The following TECPR2 variants were observed in gnomAD, a reference collection of about 807,000 sequenced individuals.
TECPR2 encodes the protein tectonin beta-propeller repeat containing 2.
A neutral mutation model predicts 138.1 loss-of-function variants in TECPR2; 65 were observed. The ratio of observed to expected loss-of-function variants is 0.47; its 90% CI spans 0.39 to 0.58. The LOEUF (loss-of-function observed/expected upper bound fraction) is 0.58. Among genes scored for constraint, TECPR2 ranks in the 20% least tolerant of loss-of-function variants. The pLI, the probability that TECPR2 is intolerant of heterozygous loss-of-function variation, is 0.00. For synonymous variants in TECPR2, 746 were observed against 749.8 expected, an observed-to-expected ratio of 0.99 and a Z score of 0.08; for missense variants, 1,553 against 1,824.5, an observed-to-expected ratio of 0.85 and a Z score of 2.71.
At chr14:102,418,485 A>G (rs1248269230) in intron 5 of TECPR2, among the ~76,000 whole-genome samples, 1 of 152,222 alleles carries the variant, frequency 6.6e-6, no homozygotes, top group East Asian at 1.9e-4. Context: ...CAAAGAGGCA[A>G]CTAGTGCGAG....
chr14:102,432,476 T>C (rs752176894), intron 8 of TECPR2, among the ~76,000 whole-genome samples: 2 of 152,064 alleles, frequency 1.3e-5, no homozygotes, highest in South Asian at 4.1e-4. Flanking sequence ...TGGAGTGCAA[T>C]GGCACGATCT....
At chr14:102,422,030 G>A (rs1308768678) in intron 5 of TECPR2, among the ~76,000 whole-genome samples, 1 of 152,150 alleles carries the variant, frequency 6.6e-6, no homozygotes, top group Admixed American at 6.5e-5. Context: ...GCCAGTGGGA[G>A]TGTAGATTGT....
intron 12 of TECPR2, 125 bp from the exon 13 acceptor site, chr14:102,445,681 C>T (rs1595130407): frequency 8.0e-7 from 1 of 1,257,572 alleles, no homozygotes; most frequent in East Asian, 2.4e-5. Flanking sequence ...ACCTGCTGAT[C>T]CGCTCCAGGG....
In TECPR2 at chr14:102,492,728, G is replaced by T. The variant is rs142238075; in HGVS notation, c.3790-4251G>T. ...AGCGTGAGTGGGGTTGTGAAGGGTGGGCAGCAGCGTGCCAGGTGAGCAACG... is the reference window on the plus strand; with the variant it reads ...AGCGTGAGTGGGGTTGTGAAGGGTGTGCAGCAGCGTGCCAGGTGAGCAACG... On this transcript the variant is annotated intron_variant, in intron 17 of 19. Transcript: ENST00000359520. Among the ~76,000 whole-genome samples the T allele has an allele frequency of 1.5e-3, 230 of 152,288 alleles. 1 individual carries two copies. The highest frequency in any genetic ancestry group is 5.0e-3 in the African/African-American group (209 of 41,548).
At chr14:102,395,758 G>A (rs762250266) in intron 2 of TECPR2, among the ~76,000 whole-genome samples, 2 of 152,118 alleles carry the variant, frequency 1.3e-5, no homozygotes, top group East Asian at 1.9e-4. Flanking sequence ...AGATCACACC[G>A]TGGCACTCCG....
chr14:102,448,476 C>G (rs1239938342), intron 13 of TECPR2, among the ~76,000 whole-genome samples: 1 of 152,148 alleles, frequency 6.6e-6, no homozygotes. Context: ...GCAAGCTACC[C>G]TTCTGAGCTA....
chr14:102,457,070 G>C (rs2139761501), intron 16 of TECPR2, among the ~76,000 whole-genome samples: 1 of 152,022 alleles, frequency 6.6e-6, no homozygotes, highest in South Asian at 2.1e-4. Flanking sequence ...AGGAAAAGCA[G>C]GTAGGTCAAG....
intron 2 of TECPR2, among the ~76,000 whole-genome samples, chr14:102,387,919 A>G (rs1020328371): frequency 6.6e-6 from 1 of 152,200 alleles, no homozygotes; most frequent in African/African-American, 2.4e-5. Flanking sequence ...AACACACCAT[A>G]CTGACATGTC....
chr14:102,377,674 C>T (rs1887676431), intron 2 of TECPR2, among the ~76,000 whole-genome samples: 1 of 152,144 alleles, frequency 6.6e-6, no homozygotes, highest in East Asian at 1.9e-4. Flanking sequence ...CCACTGCACT[C>T]CAGCCTGGGT....
chr14:102,498,449 G>A lies in TECPR2; in HGVS notation c.*192G>A. 1.3e-6 allele frequency: 1 copy of A among 755,626 alleles called. No individual in the cohort carries two copies. Among genetic ancestry groups the A allele is most frequent in the Non-Finnish European group, 2.1e-6 (1 of 480,638 alleles). The allele number at this position is 755,626 out of a possible 1,614,324, so 46.8% of individuals were successfully genotyped here. A position where few individuals can be genotyped will look rare whatever the true frequency, so the allele number is the denominator to read the frequency against. ...GAACCCACAGCCTCCACCCGTGGCT[G>A]GCGTGATTGCTGCAGCAGTGGCGCC... is the stretch of plus-strand genomic sequence containing the variant. On this transcript the variant is annotated 3_prime_UTR_variant, in exon 20 of 20. Transcript: ENST00000359520.
intron 2 of TECPR2, among the ~76,000 whole-genome samples, chr14:102,398,507 G>C (rs1413753626): frequency 6.6e-6 from 1 of 152,108 alleles, no homozygotes; most frequent in Non-Finnish European, 1.5e-5. Context: ...CTCCAAGTAA[G>C]ATGAACTCAA....
intron 2 of TECPR2, among the ~76,000 whole-genome samples, chr14:102,389,275 G>A (rs553172480): frequency 5.9e-5 from 9 of 152,272 alleles, no homozygotes; most frequent in Middle Eastern, 3.4e-3. Flanking sequence ...GCAGTGAGCC[G>A]AGATTATGGC....
intron 17 of TECPR2, among the ~76,000 whole-genome samples, chr14:102,494,518 C>T (rs1891231440): frequency 6.6e-6 from 1 of 150,696 alleles, no homozygotes; most frequent in South Asian, 2.1e-4. Context: ...ACTCCAGACA[C>T]AGTGAGACTC....
chr14:102,440,372 G>A, intron 10 of TECPR2, 64 bp from the exon 11 acceptor site: 1 of 1,571,258 alleles, frequency 6.4e-7, no homozygotes, highest in Non-Finnish European at 8.7e-7. Context: ...CCAGCATGAA[G>A]ACTTTTGTAT....
intron 6 of TECPR2, among the ~76,000 whole-genome samples, chr14:102,427,479 G>C (rs995923759): frequency 2.0e-5 from 3 of 152,180 alleles, no homozygotes; most frequent in Admixed American, 2.0e-4. Context: ...CAGTCCATCA[G>C]TTATTTAAAA....
intron 17 of TECPR2, among the ~76,000 whole-genome samples, chr14:102,494,061 G>C (rs1250838602): frequency 6.6e-6 from 1 of 152,098 alleles, no homozygotes; most frequent in African/African-American, 2.4e-5. Context: ...ACCTAGCCTG[G>C]TGCTTACGTC....
At chr14:102,382,293 CA>C (rs538495477) in intron 2 of TECPR2, among the ~76,000 whole-genome samples, 183 of 130,930 alleles carry the variant, frequency 1.4e-3, no homozygotes, top group Non-Finnish European at 1.2e-3. Flanking sequence ...AACTCCGTCC[CA>C]AAAAAAAAAA....
intron 15 of TECPR2, among the ~76,000 whole-genome samples, chr14:102,451,094 C>A (rs541055467): frequency 3.4e-4 from 52 of 152,360 alleles, no homozygotes; most frequent in African/African-American, 1.3e-3. Context: ...GGCAGACCTG[C>A]CCTGCAGCGG....
In TECPR2 at chr14:102,502,271, T is replaced by C. The variant is rs139545958; in HGVS notation, c.*4014T>C. 1 of 152,764 alleles carries C rather than the reference T, an allele frequency of 6.5e-6. No individual in the cohort carries two copies. The highest frequency in any genetic ancestry group is 6.5e-5 in the Admixed American group (1 of 15,294). 9.5% of individuals were successfully genotyped at this position (152,764 alleles called of 1,614,324 possible). On this transcript the variant is annotated 3_prime_UTR_variant, in exon 20 of 20. Transcript: ENST00000359520. The stretch of plus-strand genomic sequence containing the variant: ...CAACCCAAACGTTGGAGGGTATTTG[T>C]TGTAAACTTCAAACTTTTGGCAGGT...
Sources: gnomAD v4.1 joint callset for allele counts (sites outside exome capture counted in the v4.1 genomes callset) on GRCh38, gnomAD v4.1.1 for gene constraint, MANE v1.5 for transcripts, NCBI Gene and HGNC (gene_info 2026-07-23, HGNC 2026-07-21) for gene names.